DNAH3: variants seen among roughly 807,000 people sequenced by gnomAD.
DNAH3 encodes the protein axonemal beta dynein heavy chain 3.
Under a neutral mutation model 432.5 loss-of-function variants are expected in DNAH3, and 332 were observed. The ratio of observed to expected loss-of-function variants is 0.77; its 90% CI spans 0.70 to 0.84. DNAH3 has a LOEUF of 0.84. Ranked by LOEUF, DNAH3 falls within the 40% of genes least tolerant of loss-of-function variation. The pLI, the probability that DNAH3 is intolerant of heterozygous loss-of-function variation, is 0.00. For synonymous variants in DNAH3, 1,956 were observed against 1,900.2 expected (o/e 1.03, Z -0.76); for missense variants, 4,861 against 5,114.0 (o/e 0.95, Z 1.51).
rs150112791 is a variant in DNAH3 at position 20,964,559 on chromosome 16, T to C, written c.9325A>G (p.Ser3109Gly). 2.5e-6 allele frequency: 4 copies of C among 1,614,234 alleles called. No homozygotes were observed. The highest frequency in any genetic ancestry group is 2.5e-6 in the Non-Finnish European group (3 of 1,180,048). The change falls in exon 53 of 62, where the codon AGC becomes GGC. Residue 3109 changes from serine to glycine, a missense_variant. Physicochemically the swap from Ser to Gly is moderately conservative, Grantham distance 56. Coordinates refer to ENST00000261383, the Ensembl canonical transcript of DNAH3. ...TTTTCCAGCATCCTCATGTAGTTGCTATCAGAGAACTTGATGACAGCCAGT... is the reference window on the plus strand; with the variant it reads ...TTTTCCAGCATCCTCATGTAGTTGCCATCAGAGAACTTGATGACAGCCAGT...
intron 12 of DNAH3, among the ~76,000 whole-genome samples, chr16:21,113,285 T>C (rs1365664766): frequency 1.3e-5 from 2 of 152,144 alleles, no homozygotes; most frequent in Non-Finnish European, 2.9e-5. Flanking sequence ...GTTATTCTCA[T>C]GGTAGTGAAT....
chr16:20,969,680 C>T lies in DNAH3; in HGVS notation c.8458+112G>A, dbSNP rs570537299. Reference sequence around the variant, plus strand: ...TGGTTCCTTTCTTAATTCCTCCAAACTCAGTGATCTTGCCTGCACGCCTGC... The same window carrying T: ...TGGTTCCTTTCTTAATTCCTCCAAATTCAGTGATCTTGCCTGCACGCCTGC... On this transcript the variant is annotated intron_variant, in intron 52 of 61. Coordinates refer to ENST00000261383, the Ensembl canonical transcript of DNAH3. 4.3e-5 allele frequency: 53 copies of T among 1,226,066 alleles called. No homozygotes were observed. The South Asian group carries it at 6.1e-4, about 14-fold the overall frequency. 75.9% of individuals were successfully genotyped at this position (1,226,066 alleles called of 1,614,324 possible).
exon 55 of DNAH3, chr16:20,954,899 G>A: frequency 6.2e-7 from 1 of 1,614,170 alleles, no homozygotes; most frequent in Non-Finnish European, 8.5e-7. Flanking sequence ...CACCGCCTTT[G>A]CACAGCTTTG....
exon 14 of DNAH3, chr16:21,111,766 T>C (rs900416948): frequency 6.2e-7 from 1 of 1,613,920 alleles, no homozygotes; most frequent in Non-Finnish European, 8.5e-7. Flanking sequence ...TGTTCATGGA[T>C]GCAATTTCAT....
intron 19 of DNAH3, among the ~76,000 whole-genome samples, chr16:21,083,086 G>A (rs998879850): frequency 2.0e-5 from 3 of 149,592 alleles, no homozygotes; most frequent in African/African-American, 7.4e-5. Flanking sequence ...GCGCAATCTC[G>A]GCTCACTGCA....
chr16:21,082,889 A>T (rs1379136254), intron 19 of DNAH3, among the ~76,000 whole-genome samples: 2 of 151,864 alleles, frequency 1.3e-5, no homozygotes, highest in Non-Finnish European at 2.9e-5. Flanking sequence ...ACAGAGGGCC[A>T]GTTTTGGCAT....
intron 18 of DNAH3, among the ~76,000 whole-genome samples, chr16:21,089,437 C>T (rs2091469710): frequency 6.6e-6 from 1 of 152,124 alleles, no homozygotes; most frequent in Non-Finnish European, 1.5e-5. Context: ...AAATAGAACA[C>T]TTACCAAGGT....
chr16:21,071,064 C>T lies in DNAH3; in HGVS notation c.3085-238G>A, dbSNP rs1338273038. Among the ~76,000 whole-genome samples, 4 of 151,068 alleles carry T rather than the reference C, an allele frequency of 2.6e-5. No homozygotes were observed. In the East Asian group the frequency reaches 5.9e-4, roughly 22 times the overall value. ...CATGCCTGGATTTTTTTTTTTAAGACAGAGTTTCACTCCTGTTGCCCAGGC... is the reference window on the plus strand; with the variant it reads ...CATGCCTGGATTTTTTTTTTTAAGATAGAGTTTCACTCCTGTTGCCCAGGC... On this transcript the variant is annotated intron_variant, in intron 21 of 61. Transcript: ENST00000261383.
At chr16:21,036,924 G>C (rs745705830) in intron 34 of DNAH3, 76 bp from the exon 35 acceptor site, 45 of 1,218,558 alleles carry the variant, frequency 3.7e-5, no homozygotes, top group Non-Finnish European at 5.2e-5. Flanking sequence ...CCTAAAATGA[G>C]ATGTATCAAC....
intron 41 of DNAH3, among the ~76,000 whole-genome samples, chr16:21,015,624 TAATG>T (rs2087820564): frequency 6.6e-6 from 1 of 152,184 alleles, no homozygotes; most frequent in African/African-American, 2.4e-5. Flanking sequence ...TGCAAGATGT[TAATG>T]AAAGAACTGT....
intron 41 of DNAH3, among the ~76,000 whole-genome samples, chr16:21,016,453 G>C (rs2087861247): frequency 6.6e-6 from 1 of 151,978 alleles, no homozygotes; most frequent in South Asian, 2.1e-4. Flanking sequence ...TAAAAAATAA[G>C]AATGAACTTC....
chr16:20,935,299 G>A (rs1202004751), intron 61 of DNAH3, 49 bp downstream of exon 61: 1 of 1,601,536 alleles, frequency 6.2e-7, no homozygotes, highest in Non-Finnish European at 8.5e-7. Flanking sequence ...TGGCAACATT[G>A]CTTTCTCTGG....
exon 3 of DNAH3, chr16:21,145,187 A>G (rs1453931739): frequency 1.2e-6 from 2 of 1,610,776 alleles, no homozygotes; most frequent in South Asian, 1.1e-5. Context: ...GTACCTGATG[A>G]TGGCAGCCCC....
At chr16:21,034,164 G>A in intron 35 of DNAH3, 79 bp from the exon 36 acceptor site, 2 of 910,544 alleles carry the variant, frequency 2.2e-6, no homozygotes, top group Non-Finnish European at 3.5e-6. Context: ...AGTCAATGAG[G>A]AATGAGGGGT....
intron 30 of DNAH3, 70 bp downstream of exon 30, chr16:21,049,840 G>A: frequency 7.1e-7 from 1 of 1,407,030 alleles, no homozygotes; most frequent in Non-Finnish European, 1.0e-6. Context: ...TAAAGTTGAT[G>A]CCTACTTCCC....
intron 31 of DNAH3, among the ~76,000 whole-genome samples, chr16:21,048,983 C>T (rs1039962355): frequency 6.0e-5 from 9 of 150,462 alleles, no homozygotes; most frequent in South Asian, 4.2e-4. Flanking sequence ...TGTGAGCCAC[C>T]GCGCTCAGCC....
At chr16:20,969,745 C>A in intron 52 of DNAH3, 47 bp downstream of exon 52, 2 of 1,606,750 alleles carry the variant, frequency 1.2e-6, no homozygotes, top group Non-Finnish European at 1.7e-6. Flanking sequence ...CACCCCACTG[C>A]CAGGAAAGAG....
exon 33 of DNAH3, chr16:21,039,943 C>A (rs1367133851): frequency 6.2e-6 from 10 of 1,612,666 alleles, no homozygotes; most frequent in African/African-American, 1.3e-5. Flanking sequence ...CGGAACAAGG[C>A]CTGGAAAAGA....
intron 2 of DNAH3, among the ~76,000 whole-genome samples, chr16:21,145,624 C>G (rs186871293): frequency 5.3e-5 from 8 of 152,318 alleles, no homozygotes; most frequent in Admixed American, 2.0e-4. Context: ...CTTGCATTCA[C>G]CAGTAATTTT....
Sources: allele counts gnomAD v4.1 joint callset (sites outside exome capture counted in the v4.1 genomes callset), GRCh38; gene constraint gnomAD v4.1.1; transcripts MANE v1.5; gene names NCBI Gene and HGNC (gene_info 2026-07-23, HGNC 2026-07-21).